PRKG1: variants seen among roughly 807,000 people sequenced by gnomAD.
The protein encoded by PRKG1 is protein kinase cGMP-dependent 1.
In PRKG1, 35 loss-of-function variants were observed where a neutral mutation model predicts 88.1. The ratio of observed to expected loss-of-function variants is 0.40; its 90% CI spans 0.30 to 0.53. The LOEUF is 0.53. Among genes scored for constraint, PRKG1 ranks in the 20% least tolerant of loss-of-function variants. The pLI, the probability that PRKG1 is intolerant of heterozygous loss-of-function variation, is 0.59. For synonymous variants in PRKG1, 303 were observed against 292.5 expected, an observed-to-expected ratio of 1.04 and a Z score of -0.37; for missense variants, 540 against 839.8, an observed-to-expected ratio of 0.64 and a Z score of 4.41.
intron 2 of PRKG1, among the ~76,000 whole-genome samples, chr10:51,267,608 A>G (rs546085270): frequency 6.6e-6 from 1 of 152,222 alleles, no homozygotes; most frequent in African/African-American, 2.4e-5. Context: ...AGCAAGCCAC[A>G]TGTAGAAGAA....
chr10:52,171,127 T>G (rs1033940296), intron 9 of PRKG1, among the ~76,000 whole-genome samples: 1 of 8,228 alleles, frequency 1.2e-4, no homozygotes, highest in African/African-American at 1.3e-3. Flanking sequence ...ATTGGTGTGT[T>G]TTTTTTTTTT....
intron 4 of PRKG1, among the ~76,000 whole-genome samples, chr10:51,866,793 C>T (rs969938159): frequency 6.6e-6 from 1 of 152,150 alleles, no homozygotes; most frequent in African/African-American, 2.4e-5. Context: ...TTAGTCTGTG[C>T]ATTCATTCAG....
chr10:51,265,811 A>C (rs1589293084), intron 2 of PRKG1, among the ~76,000 whole-genome samples: 1 of 152,170 alleles, frequency 6.6e-6, no homozygotes, highest in Non-Finnish European at 1.5e-5. Flanking sequence ...CGAAAGGATT[A>C]ACAGGTTTTT....
intron 5 of PRKG1, among the ~76,000 whole-genome samples, chr10:52,041,973 A>T (rs918607317): frequency 6.6e-6 from 1 of 152,138 alleles, no homozygotes; most frequent in African/African-American, 2.4e-5. Flanking sequence ...ACACACAAAA[A>T]TTAGATACCT....
chr10:50,991,233 G>T lies in PRKG1; in HGVS notation c.-146G>T, dbSNP rs1842776953. ...AGGAGGCTCCCCGCGCCGCATTAGG[G>T]GCGCACTCCGCCGCGCTCGAGTACT... On this transcript the variant is annotated 5_prime_UTR_variant, in exon 1 of 18. Transcript: ENST00000401604. The surrounding 1 kb of genome is among the most constrained non-coding windows in gnomAD (Gnocchi z 4.5). The T allele has an allele frequency of 1.6e-6, 2 of 1,214,250 alleles. No homozygotes were observed. Among genetic ancestry groups the T allele is most frequent in the Non-Finnish European group, 2.2e-6 (2 of 903,504 alleles). 75.2% of individuals were successfully genotyped at this position (1,214,250 alleles called of 1,614,324 possible). A position where few individuals can be genotyped will look rare whatever the true frequency, so the allele number is the denominator to read the frequency against.
chr10:51,244,926 G>A (rs1263870271), intron 2 of PRKG1: 1 of 151,650 alleles, frequency 6.6e-6, no homozygotes, highest in East Asian at 1.9e-4. Flanking sequence ...TGAATACTGG[G>A]ACTACATTCC....
intron 9 of PRKG1, among the ~76,000 whole-genome samples, chr10:52,207,339 C>A (rs1839846615): frequency 1.3e-5 from 2 of 151,930 alleles, no homozygotes; most frequent in Non-Finnish European, 2.9e-5. Flanking sequence ...ATGATGAGGG[C>A]CTCCAGGAAG....
intron 3 of PRKG1, among the ~76,000 whole-genome samples, chr10:51,744,440 G>C (rs2074481322): frequency 6.6e-6 from 1 of 152,170 alleles, no homozygotes; most frequent in African/African-American, 2.4e-5. Flanking sequence ...AGGCTGAAGA[G>C]AGGAACCACA....
At chr10:51,027,844 A>G (rs1843227777) in intron 1 of PRKG1, among the ~76,000 whole-genome samples, 1 of 152,196 alleles carries the variant, frequency 6.6e-6, no homozygotes, top group Admixed American at 6.6e-5. Context: ...TATGCAACCC[A>G]GGAACCCTTA....
chr10:51,745,055 T>G (rs1265300901), intron 3 of PRKG1, among the ~76,000 whole-genome samples: 1 of 152,200 alleles, frequency 6.6e-6, no homozygotes, highest in Admixed American at 6.5e-5. Flanking sequence ...TAATTGTATG[T>G]TTAATGAAAA....
chr10:51,727,179 A>G (rs1589236468), intron 3 of PRKG1, among the ~76,000 whole-genome samples: 1 of 151,356 alleles, frequency 6.6e-6, no homozygotes. Context: ...GATGACACAC[A>G]CCTGTGGTCC....
chr10:51,946,363 A>G (rs1036539362), intron 5 of PRKG1, among the ~76,000 whole-genome samples: 3 of 151,984 alleles, frequency 2.0e-5, no homozygotes, highest in African/African-American at 7.3e-5. Flanking sequence ...ACATTCGTCT[A>G]AATTTTTTCC....
chr10:52,052,757 G>A (rs1488197177), intron 5 of PRKG1, among the ~76,000 whole-genome samples: 1 of 152,096 alleles, frequency 6.6e-6, no homozygotes, highest in Non-Finnish European at 1.5e-5. Flanking sequence ...CGGCTCTCAT[G>A]ATTCAATTAT....
At position 52,036,985 on chromosome 10, in the gene PRKG1, T is replaced by C. The variant is rs192760117; in HGVS notation, c.763-17499T>C. On this transcript the variant is annotated intron_variant, in intron 5 of 17. Coordinates refer to ENST00000373980, the MANE Select transcript of PRKG1 (RefSeq NM_006258.4). ...TGAGAGTTACCGGAAGCTCGGCGTC[T>C]GTGATGGTCTAGGGGGCTTCCGAGG... Among the ~76,000 whole-genome samples, 311 of 152,230 alleles carry C rather than the reference T, an allele frequency of 2.0e-3. 3 individuals are homozygous for C. The East Asian group carries it at 0.044, about 22-fold the overall frequency.
chr10:51,790,968 G>A (rs1838855579), intron 3 of PRKG1, among the ~76,000 whole-genome samples: 1 of 151,992 alleles, frequency 6.6e-6, no homozygotes, highest in African/African-American at 2.4e-5. Context: ...AAACTTCTTA[G>A]CACAAGATTC....
chr10:51,142,772 TA>T (rs2131957534), intron 1 of PRKG1, among the ~76,000 whole-genome samples: 1 of 152,158 alleles, frequency 6.6e-6, no homozygotes, highest in African/African-American at 2.4e-5. Flanking sequence ...AAACGTTAGA[TA>T]TGGAAATGTT....
At chr10:51,506,569 T>C (rs1019707085) in intron 3 of PRKG1, among the ~76,000 whole-genome samples, 12 of 152,266 alleles carry the variant, frequency 7.9e-5, no homozygotes, top group African/African-American at 2.9e-4. Flanking sequence ...CATCACTGGC[T>C]ATCAGAGAAA....
intron 3 of PRKG1, among the ~76,000 whole-genome samples, chr10:51,692,651 T>C (rs1841174675): frequency 6.6e-6 from 1 of 152,152 alleles, no homozygotes; most frequent in African/African-American, 2.4e-5. Flanking sequence ...AATTTTTACA[T>C]TTTTTGTAGA....
At chr10:51,152,421 C>T (rs1243870478) in intron 1 of PRKG1, among the ~76,000 whole-genome samples, 3 of 152,082 alleles carry the variant, frequency 2.0e-5, no homozygotes, top group Non-Finnish European at 4.4e-5. Context: ...TGTTGCATTT[C>T]TACCAGTTGT....
Sources: allele counts gnomAD v4.1 joint callset (sites outside exome capture counted in the v4.1 genomes callset), GRCh38; gene constraint gnomAD v4.1.1; non-coding constraint Gnocchi (gnomAD v3.1); transcripts MANE v1.5; gene names NCBI Gene and HGNC (gene_info 2026-07-23, HGNC 2026-07-21).